Variants in SYMPK observed in about 807,000 individuals in gnomAD.
SYMPK encodes symplekin scaffold protein, also known as symplekin.
A neutral mutation model predicts 136.4 loss-of-function variants in SYMPK; 49 were observed. The observed-to-expected ratio is 0.36, with a 90% confidence interval of 0.29 to 0.46. The LOEUF (loss-of-function observed/expected upper bound fraction) is 0.46, where lower values mean the gene tolerates loss of function less well. SYMPK is among the 20% of genes least tolerant of loss of function. The pLI, the probability that SYMPK is intolerant of heterozygous loss-of-function variation, is 1.00. For missense variants in SYMPK, 1,365 were observed against 1,690.0 expected (o/e 0.81, Z 3.37); for synonymous variants, 766 against 713.0 (o/e 1.07, Z -1.19).
chr19:45,843,931 A>T (rs1971501241), intron 8 of SYMPK, 99 bp downstream of exon 8: 1 of 1,087,716 alleles, frequency 9.2e-7, no homozygotes, highest in East Asian at 3.5e-5. Flanking sequence ...TGACAGAGCG[A>T]GACTCTGTCT....
intron 15 of SYMPK, 107 bp from the exon 16 acceptor site, chr19:45,827,730 C>T: frequency 4.0e-6 from 6 of 1,489,000 alleles, no homozygotes; most frequent in Non-Finnish European, 5.6e-6. Context: ...GGGCCCGGTC[C>T]CTCACAAAAC....
Position 45,823,880 on chromosome 19 carries a change from A to G in SYMPK, c.2491-5T>C. The G allele has an allele frequency of 1.2e-6, 2 of 1,612,234 alleles. No homozygotes were observed. The highest frequency in any genetic ancestry group is 1.3e-5 in the African/African-American group (1 of 74,958). On this transcript the variant is annotated splice_region_variant and splice_polypyrimidine_tract_variant and intron_variant, in intron 18 of 26. Coordinates refer to ENST00000245934, the MANE Select transcript of SYMPK (RefSeq NM_004819.3). Reference sequence around the variant, plus strand: ...GTTCATGCCCATTCCTCGGATCTAGAGGCAGAGACAGGGATGACCAGACCC... The same window carrying G: ...GTTCATGCCCATTCCTCGGATCTAGGGGCAGAGACAGGGATGACCAGACCC...
intron 5 of SYMPK, among the ~76,000 whole-genome samples, chr19:45,850,741 G>A (rs982048473): frequency 6.6e-6 from 1 of 152,128 alleles, no homozygotes; most frequent in African/African-American, 2.4e-5. Context: ...GGCAGGTACT[G>A]GGGACAAAGT....
chr19:45,852,938 T>A (rs1424743723), intron 3 of SYMPK, among the ~76,000 whole-genome samples: 1 of 152,150 alleles, frequency 6.6e-6, no homozygotes, highest in Non-Finnish European at 1.5e-5. Context: ...CTGCTTCTGC[T>A]CCCTACTTCA....
intron 14 of SYMPK, 155 bp from the exon 15 acceptor site, chr19:45,828,073 G>A (rs1371953378): frequency 4.7e-6 from 3 of 633,740 alleles, no homozygotes; most frequent in Non-Finnish European, 8.4e-6. Flanking sequence ...GAACAGAACA[G>A]GGTTCAAAAG....
chr19:45,853,938 C>G (rs570377795), intron 3 of SYMPK, among the ~76,000 whole-genome samples: 20 of 152,332 alleles, frequency 1.3e-4, no homozygotes, highest in African/African-American at 4.6e-4. Context: ...CAGAGTGACC[C>G]TGGGCTAATA....
chr19:45,839,658 G>A (rs1249932951), intron 9 of SYMPK, among the ~76,000 whole-genome samples: 2 of 151,846 alleles, frequency 1.3e-5, no homozygotes, highest in Non-Finnish European at 2.9e-5. Flanking sequence ...GTGAAACCCC[G>A]TCTCTACTAA....
rs1970755716 is a variant in SYMPK at position 45,816,837 on chromosome 19, C to G, written c.3219G>C (p.Glu1073Asp). ...AVFDKCPELR[E>D]PLLAHVRSFT... ...AGGAGCGGACATGGGCCAGCAGGGGCTCCCGGAGCTCTGGGCACTTGTCAA... is the reference window on the plus strand; with the variant it reads ...AGGAGCGGACATGGGCCAGCAGGGGGTCCCGGAGCTCTGGGCACTTGTCAA... Residue 1073 changes from glutamate (E) to aspartate (D), a missense_variant, in exon 24 of 27, where the codon GAG (glutamate) becomes GAC (aspartate). Physicochemically the swap from Glu to Asp is conservative, Grantham distance 45. Transcript: ENST00000245934. The G allele has an allele frequency of 6.5e-7, 1 of 1,545,978 alleles. No homozygotes were observed. Among genetic ancestry groups the G allele is most frequent in the East Asian group, 2.4e-5 (1 of 40,980 alleles).
At chr19:45,816,763 G>A (rs946490342) in intron 24 of SYMPK, 35 bp downstream of exon 24, 12 of 1,497,406 alleles carry the variant, frequency 8.0e-6, no homozygotes, top group Admixed American at 4.6e-5. Flanking sequence ...CACCCTGGGT[G>A]GGGGGAAAGG....
At chr19:45,845,411 T>C (rs377567228) in intron 7 of SYMPK, among the ~76,000 whole-genome samples, 17 of 152,204 alleles carry the variant, frequency 1.1e-4, no homozygotes, top group East Asian at 7.7e-4. Context: ...ATGAGTTCAA[T>C]TGTTTTCATT....
chr19:45,841,762 A>G (rs1035694173), intron 9 of SYMPK, among the ~76,000 whole-genome samples: 1 of 152,172 alleles, frequency 6.6e-6, no homozygotes, highest in African/African-American at 2.4e-5. Flanking sequence ...TGATAACTAA[A>G]ACAAAGGAAT....
chr19:45,816,961 G>T lies in SYMPK; in HGVS notation c.3095C>A (p.Pro1032His). ...RLIMKQVWKY[P>H]KVWEGFIKCC... ...CTTGATGAAGCCCTCCCACACCTTG[G>T]GGTACTTCCACACCTGAACCAGGGA... The change falls in exon 24 of 27, where the codon CCC becomes CAC. Residue 1032 changes from proline (P) to histidine (H), a missense_variant. By Grantham distance (77) the Pro-to-His change is moderately conservative. Around this residue, in one of 11 missense-constraint regions of SYMPK, gnomAD observed 156 missense variants for 217.8 expected, o/e 0.72. Coordinates refer to ENST00000245934, the MANE Select transcript of SYMPK (RefSeq NM_004819.3). 6.4e-7 allele frequency: 1 copy of T among 1,561,230 alleles called. No individual in the cohort carries two copies. Among genetic ancestry groups the T allele is most frequent in the East Asian group, 2.4e-5 (1 of 41,994 alleles).
intron 18 of SYMPK, among the ~76,000 whole-genome samples, chr19:45,824,335 C>T (rs1018358386): frequency 6.6e-6 from 1 of 152,182 alleles, no homozygotes; most frequent in Non-Finnish European, 1.5e-5. Flanking sequence ...CCAGGCTCCA[C>T]CTCTGCCCAG....
intron 10 of SYMPK, 48 bp downstream of exon 10, chr19:45,838,413 G>T: frequency 6.3e-7 from 1 of 1,581,674 alleles, no homozygotes; most frequent in Non-Finnish European, 8.6e-7. Context: ...AGACCGAGGA[G>T]ATCCTTCCTT....
chr19:45,851,825 G>C (rs1430740642), intron 5 of SYMPK, among the ~76,000 whole-genome samples: 1 of 152,172 alleles, frequency 6.6e-6, no homozygotes, highest in Non-Finnish European at 1.5e-5. Context: ...AGTGAGCCGA[G>C]ATTGCGCCAC....
At chr19:45,835,576 A>G (rs943316000) in intron 10 of SYMPK, among the ~76,000 whole-genome samples, 3 of 152,066 alleles carry the variant, frequency 2.0e-5, no homozygotes, top group African/African-American at 7.2e-5. Context: ...GAGAAACACC[A>G]TGGGAGAAGG....
In SYMPK at chr19:45,815,840, G is replaced by GCTCTCCCTACCTTGGGTAGGGGGCCC; in HGVS notation, c.3672_3687+10dup. 1 of 1,610,450 alleles carries GCTCTCCCTACCTTGGGTAGGGGGCCC rather than the reference G, an allele frequency of 6.2e-7. No individual in the cohort carries two copies. The highest frequency in any genetic ancestry group is 1.3e-5 in the African/African-American group (1 of 74,880). On this transcript the variant is annotated intron_variant, in intron 26 of 26. Coordinates refer to ENST00000245934, the MANE Select transcript of SYMPK (RefSeq NM_004819.3). ...GGCTTCTTCCTTCGCAGCGGAGGCT[G>GCTCTCCCTACCTTGGGTAGGGGGCCC]CTCTCCCTACCTTGGGTAGGGGGCC...
chr19:45,852,417 C>T (rs1971717153), intron 4 of SYMPK, 32 bp from the exon 5 acceptor site: 2 of 1,613,854 alleles, frequency 1.2e-6, no homozygotes, highest in Non-Finnish European at 1.7e-6. Context: ...TGGATCAGGG[C>T]TACACAAGGA....
intron 16 of SYMPK, among the ~76,000 whole-genome samples, 167 bp from the exon 17 acceptor site, chr19:45,826,540 C>G (rs1173508651): frequency 6.6e-6 from 1 of 152,190 alleles, no homozygotes; most frequent in Non-Finnish European, 1.5e-5. Context: ...AGGCAGATAT[C>G]CTGGCCAGGG....
Sources: allele counts gnomAD v4.1 joint callset (sites outside exome capture counted in the v4.1 genomes callset), GRCh38; gene constraint gnomAD v4.1.1; regional missense constraint gnomAD v4.1.1; transcripts MANE v1.5; gene names NCBI Gene and HGNC (gene_info 2026-07-23, HGNC 2026-07-21).